Variants in PSMG2 observed in about 807,000 individuals in gnomAD.
PSMG2 encodes CD40 ligand-activated specific transcript 3.
Under a neutral mutation model 31.5 loss-of-function variants are expected in PSMG2, and 21 were observed. That is an observed-to-expected ratio of 0.67 (90% CI 0.47 to 0.96). The LOEUF is 0.96. PSMG2 is among the 40% of genes least tolerant of loss of function. PSMG2 has a pLI of 0.00. For missense variants in PSMG2, 318 were observed against 321.2 expected, an observed-to-expected ratio of 0.99 and a Z score of 0.08; for synonymous variants, 120 against 110.4, an observed-to-expected ratio of 1.09 and a Z score of -0.54.
At chr18:12,711,120 A>G (rs1288900257) in intron 2 of PSMG2, among the ~76,000 whole-genome samples, 1 of 152,020 alleles carries the variant, frequency 6.6e-6, no homozygotes, top group East Asian at 1.9e-4. Context: ...CAAAAAACAA[A>G]AATTAGCCAG....
intron 1 of PSMG2, among the ~76,000 whole-genome samples, chr18:12,690,267 T>G (rs1045928894): frequency 6.6e-6 from 1 of 152,162 alleles, no homozygotes; most frequent in Non-Finnish European, 1.5e-5. Flanking sequence ...ACTAAACCAC[T>G]TTTAGCCTGT....
At chr18:12,669,592 GCATA>G (rs1366799369) in intron 1 of PSMG2, among the ~76,000 whole-genome samples, 5 of 152,004 alleles carry the variant, frequency 3.3e-5, no homozygotes, top group Non-Finnish European at 7.4e-5. Context: ...GGGACTGTTG[GCATA>G]CATATTGTCA....
chr18:12,700,085 G>A, upstream of PSMG2: 1 of 422,316 alleles, frequency 2.4e-6, no homozygotes, highest in Non-Finnish European at 4.2e-6. Flanking sequence ...AAAAGATGAT[G>A]TAAACTGATC....
intron 1 of PSMG2, chr18:12,672,842 G>C (rs945542550): frequency 2.0e-6 from 2 of 985,026 alleles, no homozygotes; most frequent in African/African-American, 3.5e-5. Context: ...TTTCTGGACA[G>C]TCTCAAATAT....
At chr18:12,673,091 A>C in intron 1 of PSMG2, 1 of 1,017,540 alleles carries the variant, frequency 9.8e-7, no homozygotes, top group Non-Finnish European at 1.2e-6. Flanking sequence ...TATTTAAACT[A>C]CTGATAACTG....
intron 2 of PSMG2, among the ~76,000 whole-genome samples, chr18:12,707,617 G>A (rs944096215): frequency 5.9e-5 from 9 of 152,124 alleles, no homozygotes; most frequent in African/African-American, 2.2e-4. Context: ...GGGAACACTG[G>A]TTATAATGCA....
chr18:12,674,322 G>T (rs565097619), intron 1 of PSMG2, among the ~76,000 whole-genome samples: 1 of 151,990 alleles, frequency 6.6e-6, no homozygotes, highest in African/African-American at 2.4e-5. Context: ...CATGCCTGTG[G>T]TCCCAGTTGC....
rs766063345 is a variant in PSMG2 at position 12,703,087 on chromosome 18, G to A, written c.-21G>A. 29 of 1,610,716 alleles carry A rather than the reference G, an allele frequency of 1.8e-5. No individual in the cohort carries two copies. The highest frequency in any genetic ancestry group is 8.9e-5 in the East Asian group (4 of 44,744). ...CTTGCCAGGGCCGCGGTTAGTCCCT[G>A]CTGGCCACCCCACTGCGACCATGTT... On this transcript the variant is annotated 5_prime_UTR_variant, in exon 1 of 7. Coordinates refer to ENST00000317615, the MANE Select transcript of PSMG2 (RefSeq NM_020232.5).
intron 1 of PSMG2, among the ~76,000 whole-genome samples, chr18:12,689,954 A>G (rs2039690534): frequency 6.6e-6 from 1 of 152,062 alleles, no homozygotes; most frequent in Non-Finnish European, 1.5e-5. Context: ...AAGCCTGGCT[A>G]ATTTTTGTAT....
At chr18:12,679,681 G>A (rs911866340) in intron 1 of PSMG2, among the ~76,000 whole-genome samples, 2 of 152,170 alleles carry the variant, frequency 1.3e-5, no homozygotes, top group Non-Finnish European at 2.9e-5. Context: ...ATTTGCCAAC[G>A]TGGAGATGGT....
chr18:12,686,099 A>C (rs1052798284), intron 1 of PSMG2: 1 of 500,716 alleles, frequency 2.0e-6, no homozygotes, highest in African/African-American at 1.9e-5. Flanking sequence ...TACTTTTGTA[A>C]GTATTTTTGA....
intron 1 of PSMG2, chr18:12,685,123 C>T (rs1299117157): frequency 1.3e-5 from 2 of 152,118 alleles, no homozygotes; most frequent in Non-Finnish European, 2.9e-5. Context: ...GCCTCAGCCT[C>T]CTCAGTAGCT....
intron 1 of PSMG2, chr18:12,674,768 G>A: frequency 1.9e-6 from 3 of 1,545,756 alleles, no homozygotes; most frequent in Admixed American, 2.0e-5. Context: ...GAGCAATCAA[G>A]AGAAAAAGAA....
intron 1 of PSMG2, chr18:12,670,331 A>G (rs1468633758): frequency 1.3e-5 from 2 of 149,390 alleles, no homozygotes; most frequent in African/African-American, 4.9e-5. Flanking sequence ...CTCTGTCTCA[A>G]AAAAAAAAGA....
At chr18:12,685,459 T>A (rs1353737746) in intron 1 of PSMG2, 1 of 152,104 alleles carries the variant, frequency 6.6e-6, no homozygotes, top group Non-Finnish European at 1.5e-5. Context: ...GAAATCACAA[T>A]AAATAAGAAA....
intron 2 of PSMG2, among the ~76,000 whole-genome samples, chr18:12,707,860 T>G (rs1392873618): frequency 6.6e-6 from 1 of 152,246 alleles, no homozygotes; most frequent in African/African-American, 2.4e-5. Context: ...GTTTTTAGCT[T>G]GCGATAGTGA....
chr18:12,685,022 T>TA (rs1338561090), intron 1 of PSMG2: 2 of 152,022 alleles, frequency 1.3e-5, no homozygotes, highest in African/African-American at 4.8e-5. Flanking sequence ...CTTTTTTTTT[T>TA]ATGGAGTTTC....
chr18:12,703,207 C>T lies in PSMG2; in HGVS notation c.57+43C>T, dbSNP rs1183795899. The stretch of plus-strand genomic sequence containing the variant: ...CTCGGGGCTGCCGCCTCCCGAGGCC[C>T]CTGCGGTGTCGCCACCCCGACGCGG... On this transcript the variant is annotated intron_variant, in intron 1 of 6. Coordinates refer to ENST00000317615, the MANE Select transcript of PSMG2 (RefSeq NM_020232.5). The T allele has an allele frequency of 1.3e-5, 20 of 1,568,174 alleles. No individual in the cohort carries two copies. In the Admixed American group the frequency reaches 3.4e-4, roughly 26 times the overall value.
At chr18:12,691,452 CTCTT>C (rs1452462499) in intron 1 of PSMG2, 1 of 1,605,120 alleles carries the variant, frequency 6.2e-7, no homozygotes, top group South Asian at 1.1e-5. Flanking sequence ...GAAATAATCG[CTCTT>C]TCTCTGCAGT....
Sources: allele counts gnomAD v4.1 joint callset (sites outside exome capture counted in the v4.1 genomes callset), GRCh38; gene constraint gnomAD v4.1.1; transcripts MANE v1.5; gene names NCBI Gene and HGNC (gene_info 2026-07-23, HGNC 2026-07-21).